TRABD2B: variants seen among roughly 807,000 people sequenced by gnomAD.
TRABD2B encodes the protein metalloprotease TIKI2.
A neutral mutation model predicts 40.1 loss-of-function variants in TRABD2B; 14 were observed. The observed-to-expected ratio is 0.35, with a 90% CI of 0.23 to 0.55. The LOEUF is 0.55. TRABD2B is among the 20% of genes least tolerant of loss of function. TRABD2B has a pLI of 0.90. For missense variants in TRABD2B, 541 were observed against 648.6 expected, an observed-to-expected ratio of 0.83 and a Z score of 1.80; for synonymous variants, 263 against 277.0, an observed-to-expected ratio of 0.95 and a Z score of 0.50.
chr1:47,845,357 A>G (rs752702897), intron 2 of TRABD2B, among the ~76,000 whole-genome samples: 6 of 152,224 alleles, frequency 3.9e-5, no homozygotes, highest in Non-Finnish European at 7.3e-5. Context: ...AACAACAAAA[A>G]TAGTGAGTAA....
intron 2 of TRABD2B, among the ~76,000 whole-genome samples, chr1:47,959,349 A>C (rs1052587721): frequency 1.3e-5 from 2 of 152,234 alleles, no homozygotes; most frequent in African/African-American, 4.8e-5. Context: ...AGAAGGCAAG[A>C]AATAACTAAG....
rs1644526998 is a variant in TRABD2B, at chr1:47,781,784, T to C, written c.989-3240A>G. Among the ~76,000 whole-genome samples the C allele has an allele frequency of 1.3e-5, 2 of 152,210 alleles. 1 individual carries two copies. Among genetic ancestry groups the C allele is most frequent in the South Asian group, 4.1e-4 (2 of 4,824 alleles). On this transcript the variant is annotated intron_variant, in intron 4 of 6. Transcript: ENST00000606738. ...ATGTGGCCTGTGCCCCAGAACTGTG[T>C]AATGCGGTTCCTGCGCTCCCGAGCC...
chr1:47,834,013 A>G (rs1420061123), intron 2 of TRABD2B, among the ~76,000 whole-genome samples: 1 of 152,146 alleles, frequency 6.6e-6, no homozygotes, highest in East Asian at 1.9e-4. Flanking sequence ...ATCCTTGAAA[A>G]CCAACACCTG....
chr1:47,780,455 TGTGCTGGGTA>T (rs909932667), intron 4 of TRABD2B, among the ~76,000 whole-genome samples: 30 of 152,164 alleles, frequency 2.0e-4, no homozygotes, highest in African/African-American at 7.0e-4. Context: ...GTGCATATCT[TGTGCTGGGTA>T]GTGATGAAGA....
intron 2 of TRABD2B, among the ~76,000 whole-genome samples, chr1:47,827,594 CA>C (rs368084914): frequency 1.1e-3 from 173 of 152,324 alleles, no homozygotes; most frequent in African/African-American, 3.7e-3. Context: ...CCTGAGGAAA[CA>C]AACGGCAAAT....
chr1:47,994,890 A>G lies in TRABD2B; in HGVS notation c.103-293T>C, dbSNP rs968383345. ...CGGGTTGTTGGGAGGATTAAAAGAT[A>G]CAATATATGTATATTAAGCCCTCAG... On this transcript the variant is annotated intron_variant, in intron 1 of 6. Coordinates refer to ENST00000606738, the MANE Select transcript of TRABD2B (RefSeq NM_001194986.2). The surrounding 1 kb of genome is among the most constrained non-coding windows in gnomAD (Gnocchi z 6.7). Among the ~76,000 whole-genome samples, 3 of 152,182 alleles carry G rather than the reference A, an allele frequency of 2.0e-5. No homozygotes were observed. The highest frequency in any genetic ancestry group is 2.0e-4 in the Admixed American group (3 of 15,282).
intron 2 of TRABD2B, among the ~76,000 whole-genome samples, chr1:47,863,947 G>A (rs1006588601): frequency 2.0e-5 from 3 of 152,146 alleles, no homozygotes; most frequent in Non-Finnish European, 2.9e-5. Context: ...GCCATGAAAA[G>A]ACATAATGGA....
At chr1:47,901,583 G>A (rs904337795) in intron 2 of TRABD2B, among the ~76,000 whole-genome samples, 1 of 152,180 alleles carries the variant, frequency 6.6e-6, no homozygotes, top group Non-Finnish European at 1.5e-5. Flanking sequence ...ATTCACTCAG[G>A]TATTTAGAGA....
chr1:47,905,871 T>C (rs1365531745), intron 2 of TRABD2B, among the ~76,000 whole-genome samples: 1 of 152,190 alleles, frequency 6.6e-6, no homozygotes, highest in East Asian at 1.9e-4. Flanking sequence ...AAGGTTTTAA[T>C]TCTGGGGAAG....
At chr1:47,844,991 C>T (rs1645449129) in intron 2 of TRABD2B, among the ~76,000 whole-genome samples, 1 of 152,156 alleles carries the variant, frequency 6.6e-6, no homozygotes, top group Non-Finnish European at 1.5e-5. Flanking sequence ...CAGCAGTCAC[C>T]AACAGGTAGC....
intron 2 of TRABD2B, among the ~76,000 whole-genome samples, chr1:47,826,836 G>A (rs1645182345): frequency 6.6e-6 from 1 of 152,214 alleles, no homozygotes; most frequent in Non-Finnish European, 1.5e-5. Context: ...GCCTCCCAAA[G>A]GGTCAGGATT....
At chr1:47,793,387 G>A (rs767829052) in intron 4 of TRABD2B, among the ~76,000 whole-genome samples, 2 of 152,240 alleles carry the variant, frequency 1.3e-5, no homozygotes, top group Non-Finnish European at 2.9e-5. Flanking sequence ...ACTACGTGAG[G>A]GCTGCAAAGG....
intron 2 of TRABD2B, among the ~76,000 whole-genome samples, chr1:47,991,630 T>C (rs1029827169): frequency 6.6e-6 from 1 of 152,050 alleles, no homozygotes; most frequent in Non-Finnish European, 1.5e-5. Context: ...CAGAAAAAAA[T>C]ACAAAAATTT....
intron 2 of TRABD2B, among the ~76,000 whole-genome samples, chr1:47,956,704 G>A (rs1645428433): frequency 6.6e-6 from 1 of 152,258 alleles, no homozygotes; most frequent in Non-Finnish European, 1.5e-5. Context: ...ACAAAGTGGT[G>A]AGGAAGCTGA....
intron 2 of TRABD2B, among the ~76,000 whole-genome samples, chr1:47,892,967 A>C (rs1237033307): frequency 2.6e-5 from 4 of 152,166 alleles, no homozygotes; most frequent in Non-Finnish European, 5.9e-5. Flanking sequence ...AAGAGGAAAA[A>C]AGGTAAGCTG....
At chr1:47,825,608 A>G (rs1029481700) in intron 2 of TRABD2B, among the ~76,000 whole-genome samples, 1 of 152,312 alleles carries the variant, frequency 6.6e-6, no homozygotes, top group African/African-American at 2.4e-5. Context: ...CATCCTTGGC[A>G]CAGTTCCCAA....
intron 5 of TRABD2B, among the ~76,000 whole-genome samples, chr1:47,776,632 T>C (rs1428413207): frequency 6.6e-6 from 1 of 152,190 alleles, no homozygotes; most frequent in Non-Finnish European, 1.5e-5. Context: ...CACAATAGAA[T>C]TTGTTTTAGG....
At position 47,856,382 on chromosome 1, in the gene TRABD2B, G is replaced by A. The variant is rs528165162; in HGVS notation, c.667-54763C>T. 2.6e-5 allele frequency among the ~76,000 whole-genome samples: 4 copies of A among 152,366 alleles called. No individual in the cohort carries two copies. The South Asian group carries it at 6.2e-4, about 24-fold the overall frequency. On this transcript the variant is annotated intron_variant, in intron 2 of 6. Coordinates refer to ENST00000606738, the MANE Select transcript of TRABD2B (RefSeq NM_001194986.2). The stretch of plus-strand genomic sequence containing the variant: ...TAAATATTAGTGAGTGAACGCATGA[G>A]AGTGTGAAGTGAAAATGAATGTGTG...
intron 6 of TRABD2B, among the ~76,000 whole-genome samples, chr1:47,766,839 A>C (rs1483516855): frequency 6.6e-6 from 1 of 152,198 alleles, no homozygotes; most frequent in Non-Finnish European, 1.5e-5. Context: ...TCTTTCACGA[A>C]TTTACAAAAA....
Sources: allele counts gnomAD v4.1 joint callset (sites outside exome capture counted in the v4.1 genomes callset), GRCh38; gene constraint gnomAD v4.1.1; non-coding constraint Gnocchi (gnomAD v3.1); transcripts MANE v1.5; gene names NCBI Gene and HGNC (gene_info 2026-07-23, HGNC 2026-07-21).